TRPM7: variants seen among roughly 807,000 people sequenced by gnomAD.
TRPM7 encodes the protein LTRPC ion channel family member 7.
In TRPM7, 134 loss-of-function variants were observed where a neutral mutation model predicts 229.7. That is an observed-to-expected ratio of 0.58 (90% CI 0.51 to 0.67). TRPM7 has a LOEUF of 0.67. Among genes scored for constraint, TRPM7 ranks in the 30% least tolerant of loss-of-function variants. The pLI is 0.00. For synonymous variants in TRPM7, 699 were observed against 715.2 expected, an observed-to-expected ratio of 0.98 and a Z score of 0.36; for missense variants, 1,901 against 2,210.0, an observed-to-expected ratio of 0.86 and a Z score of 2.80.
intron 1 of TRPM7, among the ~76,000 whole-genome samples, chr15:50,679,535 TA>T (rs1202248707): frequency 0.14 from 6,011 of 44,064 alleles, 248 homozygotes; most frequent in Non-Finnish European, 0.17. Context: ...TATATATATA[TA>T]TATTTTTTTT....
Position 50,679,124 on chromosome 15 carries a change from AGCCTT to A in TRPM7, c.3+7402_3+7406del, listed in dbSNP as rs1215246654. On this transcript the variant is annotated intron_variant, in intron 1 of 38. Transcript: ENST00000646667. ...CTTGACCTGGTGATCCACCCGCCTCAGCCTTCCAAAGTGCTGGGATTACAGGCATT... is the reference window on the plus strand; with the variant it reads ...CTTGACCTGGTGATCCACCCGCCTCACCAAAGTGCTGGGATTACAGGCATT... 2.9e-4 allele frequency among the ~76,000 whole-genome samples: 41 copies of A among 142,672 alleles called. 4 individuals carry two copies. The highest frequency in any genetic ancestry group is 9.6e-4 in the African/African-American group (36 of 37,350). 93.6% of individuals were successfully genotyped at this position (142,672 alleles called of 152,430 possible). A position where few individuals can be genotyped will look rare whatever the true frequency, so the allele number is the denominator to read the frequency against.
intron 22 of TRPM7, 34 bp from the exon 23 acceptor site, chr15:50,596,415 A>T: frequency 6.7e-7 from 1 of 1,502,210 alleles, no homozygotes; most frequent in African/African-American, 1.4e-5. Context: ...AACAAAAACA[A>T]CTTAAAAATA....
chr15:50,630,155 C>A (rs940740825), intron 10 of TRPM7, among the ~76,000 whole-genome samples: 1 of 152,030 alleles, frequency 6.6e-6, no homozygotes, highest in Non-Finnish European at 1.5e-5. Flanking sequence ...AGCCAGCGCA[C>A]GCAGCCTTAC....
intron 36 of TRPM7, among the ~76,000 whole-genome samples, chr15:50,571,096 T>C (rs74726078): frequency 0.03 from 4,577 of 152,248 alleles, 215 homozygotes; most frequent in African/African-American, 0.11. Context: ...CCTACTGATA[T>C]TTTGAATAAT....
chr15:50,634,897 G>C (rs982906392), intron 7 of TRPM7, among the ~76,000 whole-genome samples: 7 of 152,046 alleles, frequency 4.6e-5, no homozygotes, highest in African/African-American at 1.7e-4. Flanking sequence ...CTGAGCTCTT[G>C]ACGTGAAATG....
In TRPM7 at chr15:50,559,451, C is replaced by T. The variant is rs2053230406; in HGVS notation, c.*2227G>A. The T allele has an allele frequency of 6.6e-6, 1 of 151,832 alleles. No individual in the cohort carries two copies. Among genetic ancestry groups the T allele is most frequent in the Admixed American group, 6.6e-5 (1 of 15,194 alleles). 9.4% of individuals were successfully genotyped at this position (151,832 alleles called of 1,614,324 possible). A position where few individuals can be genotyped will look rare whatever the true frequency, so the allele number is the denominator to read the frequency against. On this transcript the variant is annotated 3_prime_UTR_variant, in exon 39 of 39. Transcript: ENST00000646667. ...CAAGTGATCCACCTGCCTTGGCCTC[C>T]CGAAGTGCTGGGATTACAGGCATGA...
At position 50,609,704 on chromosome 15, in the gene TRPM7, C is replaced by T. The variant is rs769640217; in HGVS notation, c.2457G>A (p.Arg819=). ...EIPMEVFKEV[R]ILDSNEGKNE... is the part of the protein sequence containing the mutation. ...TCTTTCCTTCATTACTATCCAAAAT[C>T]CGTACTTCTTTAAACACTTCCTAAA... Residue 819 remains arginine (R), a synonymous_variant, in exon 19 of 39, where the codon CGG becomes CGA. Coordinates refer to ENST00000646667, the MANE Select transcript of TRPM7 (RefSeq NM_017672.6). 3 of 1,598,228 alleles carry T rather than the reference C, an allele frequency of 1.9e-6. No homozygotes were observed. The highest frequency in any genetic ancestry group is 2.3e-5 in the South Asian group (2 of 87,498).
At chr15:50,630,246 T>C (rs1448910373) in intron 10 of TRPM7, among the ~76,000 whole-genome samples, 1 of 140,106 alleles carries the variant, frequency 7.1e-6, no homozygotes, top group Admixed American at 7.9e-5. Context: ...GATCTCTTGA[T>C]ACCATGATTC....
intron 21 of TRPM7, among the ~76,000 whole-genome samples, chr15:50,603,637 T>C (rs1566989265): frequency 6.6e-6 from 1 of 152,174 alleles, no homozygotes; most frequent in Non-Finnish European, 1.5e-5. Context: ...ACAAAGGACA[T>C]GAACTCATCC....
chr15:50,612,264 A>C (rs2060081047), intron 16 of TRPM7, among the ~76,000 whole-genome samples: 1 of 152,098 alleles, frequency 6.6e-6, no homozygotes. Flanking sequence ...TTAATTTTTA[A>C]ATTTCATGTA....
chr15:50,629,982 C>A (rs2060684000), intron 10 of TRPM7, among the ~76,000 whole-genome samples: 1 of 150,974 alleles, frequency 6.6e-6, no homozygotes, highest in African/African-American at 2.4e-5. Flanking sequence ...GTGCCTCAGC[C>A]TCCAGAGTAG....
chr15:50,562,887 G>A (rs1048064942), intron 38 of TRPM7, among the ~76,000 whole-genome samples: 5 of 152,150 alleles, frequency 3.3e-5, no homozygotes, highest in African/African-American at 1.2e-4. Flanking sequence ...AAAGCCAGAG[G>A]AAGAGATTTG....
chr15:50,628,544 G>A (rs1405106747), intron 10 of TRPM7, among the ~76,000 whole-genome samples: 1 of 152,096 alleles, frequency 6.6e-6, no homozygotes, highest in Non-Finnish European at 1.5e-5. Context: ...GGCCTCAAGT[G>A]ATCCTGCCAC....
intron 30 of TRPM7, 82 bp downstream of exon 30, chr15:50,580,792 G>T: frequency 2.4e-6 from 3 of 1,268,046 alleles, no homozygotes; most frequent in Middle Eastern, 2.0e-4. Context: ...ATGTTAAAGA[G>T]ATGATGTAAA....
chr15:50,678,246 A>AC (rs1408202025), intron 1 of TRPM7, among the ~76,000 whole-genome samples: 6 of 142,504 alleles, frequency 4.2e-5, no homozygotes, highest in African/African-American at 7.7e-5. Context: ...TCTCAAAAAA[A>AC]AAAAACAAAA....
intron 36 of TRPM7, among the ~76,000 whole-genome samples, chr15:50,571,932 G>A (rs1185143497): frequency 3.3e-5 from 5 of 152,220 alleles, no homozygotes; most frequent in Admixed American, 6.6e-5. Context: ...GTTCCACTGT[G>A]GGTAAAATGT....
chr15:50,612,628 T>C lies in TRPM7; in HGVS notation c.1972A>G (p.Ile658Val). Residue 658 changes from isoleucine to valine, a missense_variant, in exon 16 of 39, where the codon ATC becomes GTC. Physicochemically the swap from Ile to Val is conservative, Grantham distance 29. This residue lies in a region of TRPM7 where 794 missense variants were observed against 881.9 expected (regional missense o/e 0.90). Transcript: ENST00000646667. Reference protein sequence around the residue: ...SMAKALVACKIYRSMAYEAKQ... With the variant: ...SMAKALVACKVYRSMAYEAKQ... ...GCTTCATATGCCATTGAACGATAGA[T>C]CTTACAGGCAACTAATGCTTTAGCC... The C allele has an allele frequency of 6.2e-7, 1 of 1,614,184 alleles. No homozygotes were observed. Among genetic ancestry groups the C allele is most frequent in the Non-Finnish European group, 8.5e-7 (1 of 1,180,026 alleles).
At chr15:50,664,074 C>T (rs545563035) in intron 1 of TRPM7, among the ~76,000 whole-genome samples, 1 of 152,078 alleles carries the variant, frequency 6.6e-6, no homozygotes, top group East Asian at 1.9e-4. Context: ...CTGAGGTGGG[C>T]GGATCACAAA....
At chr15:50,577,592 T>A (rs1431558547) in intron 31 of TRPM7, among the ~76,000 whole-genome samples, 2 of 152,064 alleles carry the variant, frequency 1.3e-5, no homozygotes, top group African/African-American at 4.8e-5. Flanking sequence ...AGAACATTGA[T>A]GAGAAGCAAA....
Sources: gnomAD v4.1 joint callset for allele counts (sites outside exome capture counted in the v4.1 genomes callset) on GRCh38, gnomAD v4.1.1 for gene constraint, gnomAD v4.1.1 regional missense constraint, MANE v1.5 for transcripts, NCBI Gene and HGNC (gene_info 2026-07-23, HGNC 2026-07-21) for gene names.